The following ITCH variants were observed in gnomAD, a reference collection of about 807,000 sequenced individuals.
The protein encoded by ITCH is itchy E3 ubiquitin protein ligase.
Under a neutral mutation model 126.8 loss-of-function variants are expected in ITCH, and 28 were observed. The observed-to-expected ratio is 0.22, with a 90% CI of 0.16 to 0.30. The LOEUF is 0.30. Among genes scored for constraint, ITCH ranks in the 10% least tolerant of loss-of-function variants. The probability of loss-of-function intolerance (pLI) is 1.00; values close to 1 mark genes in which losing one functional copy is unlikely to be tolerated. For missense variants in ITCH, 631 were observed against 1,032.4 expected, an observed-to-expected ratio of 0.61 and a Z score of 5.33; for synonymous variants, 342 against 340.0, an observed-to-expected ratio of 1.01 and a Z score of -0.06.
chr20:34,378,471 CAAAAAAAAAAA>C (rs35400213), intron 2 of ITCH, among the ~76,000 whole-genome samples: 1 of 48,682 alleles, frequency 2.1e-5, no homozygotes, highest in African/African-American at 8.3e-5. Flanking sequence ...AACTCTGTCT[CAAAAAAAAAAA>C]AAAAAAAAAA....
chr20:34,431,652 G>C (rs1410778291), intron 7 of ITCH, among the ~76,000 whole-genome samples: 2 of 152,152 alleles, frequency 1.3e-5, no homozygotes, highest in African/African-American at 2.4e-5. Flanking sequence ...TGGATGGTAG[G>C]AAGAGGACAA....
At position 34,508,684 on chromosome 20, in the gene ITCH, A is replaced by G. The variant is rs187379795; in HGVS notation, c.*890A>G. 7.2e-5 allele frequency: 11 copies of G among 152,124 alleles called. No homozygotes were observed. The East Asian group carries it at 2.1e-3, about 29-fold the overall frequency. 9.4% of individuals were successfully genotyped at this position (152,124 alleles called of 1,614,324 possible). A position where few individuals can be genotyped will look rare whatever the true frequency, so the allele number is the denominator to read the frequency against. On this transcript the variant is annotated 3_prime_UTR_variant, in exon 25 of 25. Coordinates refer to ENST00000374864, the MANE Select transcript of ITCH (RefSeq NM_031483.7). ...TGGTGGGGGATAAATAAATAAAAGG[A>G]AAAAAAACTTAGCCTAGAATTAGAA...
At chr20:34,477,986 C>T in intron 17 of ITCH, 126 bp downstream of exon 17, 1 of 1,206,084 alleles carries the variant, frequency 8.3e-7, no homozygotes, top group Non-Finnish European at 1.2e-6. Context: ...ATTATTATAC[C>T]TTTATTATGC....
intron 1 of ITCH, among the ~76,000 whole-genome samples, chr20:34,367,292 CTCAGCCTCCCAAGTA>C (rs1311250504): frequency 2.0e-5 from 3 of 152,288 alleles, no homozygotes; most frequent in African/African-American, 7.2e-5. Context: ...ATTCGTGTGC[CTCAGCCTCCCAAGTA>C]GCTGCCTCCC....
chr20:34,453,262 C>T (rs918555634), intron 12 of ITCH, among the ~76,000 whole-genome samples: 6 of 152,114 alleles, frequency 3.9e-5, no homozygotes, highest in African/African-American at 1.4e-4. Context: ...TTTCTCTTGC[C>T]TCATGTTATC....
At chr20:34,382,719 TTATTATTAC>T (rs1278024115) in intron 2 of ITCH, among the ~76,000 whole-genome samples, 5 of 134,994 alleles carry the variant, frequency 3.7e-5, no homozygotes. Flanking sequence ...ATAATTCTTT[TTATTATTAC>T]TATTATTATT....
At chr20:34,446,803 A>G (rs1011397064) in intron 11 of ITCH, among the ~76,000 whole-genome samples, 3 of 152,184 alleles carry the variant, frequency 2.0e-5, no homozygotes, top group Non-Finnish European at 4.4e-5. Flanking sequence ...AGTTAGACAC[A>G]TCTGGGTTCG....
chr20:34,395,006 C>T (rs1011301588), intron 3 of ITCH, among the ~76,000 whole-genome samples: 1 of 151,822 alleles, frequency 6.6e-6, no homozygotes, highest in African/African-American at 2.4e-5. Context: ...TCGAGGTGGG[C>T]AGATCACCTG....
At chr20:34,455,943 C>T (rs921912337) in intron 12 of ITCH, among the ~76,000 whole-genome samples, 4 of 151,484 alleles carry the variant, frequency 2.6e-5, no homozygotes, top group Non-Finnish European at 4.4e-5. Flanking sequence ...CTTCCTATCC[C>T]TTGTATAGAA....
At chr20:34,473,352 T>C (rs1301363605) in intron 16 of ITCH, among the ~76,000 whole-genome samples, 1 of 152,242 alleles carries the variant, frequency 6.6e-6, no homozygotes, top group Non-Finnish European at 1.5e-5. Flanking sequence ...AAGATAAGGA[T>C]ACAAATGTCT....
intron 20 of ITCH, among the ~76,000 whole-genome samples, chr20:34,482,754 G>A (rs1182192691): frequency 6.6e-6 from 1 of 152,148 alleles, no homozygotes; most frequent in Non-Finnish European, 1.5e-5. Flanking sequence ...TCTTCTCACA[G>A]CTCCACTAGG....
At chr20:34,393,949 G>A in intron 3 of ITCH, 68 bp downstream of exon 3, 1 of 1,453,748 alleles carries the variant, frequency 6.9e-7, no homozygotes, top group Admixed American at 1.7e-5. Flanking sequence ...AATCCTGAGA[G>A]GGCCAGGCAT....
chr20:34,488,489 A>C (rs2146504387), intron 20 of ITCH, among the ~76,000 whole-genome samples: 1 of 152,294 alleles, frequency 6.6e-6, no homozygotes, highest in East Asian at 1.9e-4. Context: ...AGGCAGGCAG[A>C]ACACTTAAGG....
At chr20:34,477,942 C>T (rs1600451213) in intron 17 of ITCH, 82 bp downstream of exon 17, 3 of 1,570,822 alleles carry the variant, frequency 1.9e-6, no homozygotes, top group East Asian at 4.5e-5. Context: ...ATTATTTTCT[C>T]AATCTTATAT....
At chr20:34,457,537 A>T in intron 13 of ITCH, 63 bp downstream of exon 13, 1 of 1,089,020 alleles carries the variant, frequency 9.2e-7, no homozygotes, top group Non-Finnish European at 1.4e-6. Context: ...CTAACAACTG[A>T]AGAAGATCAA....
chr20:34,507,524 T>A (rs1990715713), intron 24 of ITCH, among the ~76,000 whole-genome samples, 171 bp from the exon 25 acceptor site: 1 of 152,146 alleles, frequency 6.6e-6, no homozygotes, highest in Non-Finnish European at 1.5e-5. Flanking sequence ...AGATATATGA[T>A]TTACAAATAT....
chr20:34,379,810 G>T (rs955362009), intron 2 of ITCH, among the ~76,000 whole-genome samples: 1 of 151,638 alleles, frequency 6.6e-6, no homozygotes. Flanking sequence ...TGTTAGCCAG[G>T]ATGGTCTCAA....
intron 23 of ITCH, among the ~76,000 whole-genome samples, chr20:34,503,601 G>A (rs1990400114): frequency 6.6e-6 from 1 of 152,040 alleles, no homozygotes; most frequent in South Asian, 2.1e-4. Context: ...TTTCGTTATT[G>A]TCTTTCAAAC....
chr20:34,365,748 G>A (rs899752459), intron 1 of ITCH, among the ~76,000 whole-genome samples: 1 of 152,172 alleles, frequency 6.6e-6, no homozygotes, highest in Non-Finnish European at 1.5e-5. Context: ...ATTGGGAGAG[G>A]CAGACAAACC....
Sources: gnomAD v4.1 joint callset for allele counts (sites outside exome capture counted in the v4.1 genomes callset) on GRCh38, gnomAD v4.1.1 for gene constraint, MANE v1.5 for transcripts, NCBI Gene and HGNC (gene_info 2026-07-23, HGNC 2026-07-21) for gene names.